Variants in TMEM260 observed in about 807,000 individuals in gnomAD.
The protein encoded by TMEM260 is transmembrane protein 260, also known as protein O-mannosyl-transferase TMEM260.
TMEM260 carries 82 observed loss-of-function variants against 88.9 expected under a neutral mutation model. The ratio of observed to expected loss-of-function variants is 0.92; its 90% CI spans 0.77 to 1.11. The LOEUF (loss-of-function observed/expected upper bound fraction) is 1.11. Among genes scored for constraint, TMEM260 ranks in the 50% least tolerant of loss-of-function variants. TMEM260 has a pLI of 0.00. For synonymous variants in TMEM260, 314 were observed against 309.3 expected, an observed-to-expected ratio of 1.02 and a Z score of -0.16; for missense variants, 902 against 853.4, an observed-to-expected ratio of 1.06 and a Z score of -0.71.
At chr14:56,659,452 T>C in the TMEM260 span, among the ~76,000 whole-genome samples, 42,967 of 152,020 alleles carry the variant, frequency 0.28, 9,670 homozygotes, top group African/African-American at 0.61. Flanking sequence ...GCCACCAGCC[T>C]AGTCGTTAGG....
the TMEM260 span, among the ~76,000 whole-genome samples, chr14:56,656,900 C>T: frequency 6.6e-6 from 1 of 152,150 alleles, no homozygotes; most frequent in South Asian, 2.1e-4. Flanking sequence ...TGCACACACA[C>T]AAGTAAAAAT....
At chr14:56,607,971 T>G (rs17091793) in intron 5 of TMEM260, among the ~76,000 whole-genome samples, 6,561 of 152,322 alleles carry the variant, frequency 0.043, 200 homozygotes, top group Non-Finnish European at 0.068. Flanking sequence ...CTTTATAATA[T>G]GCAGAAACTG....
At chr14:56,627,711 T>A (rs993573630) in intron 12 of TMEM260, among the ~76,000 whole-genome samples, 3 of 152,240 alleles carry the variant, frequency 2.0e-5, no homozygotes, top group African/African-American at 7.2e-5. Context: ...AATGCATACC[T>A]CTGAAAGGAA....
intron 12 of TMEM260, among the ~76,000 whole-genome samples, chr14:56,628,484 C>G (rs992834651): frequency 3.9e-5 from 6 of 152,090 alleles, no homozygotes; most frequent in African/African-American, 1.4e-4. Context: ...AATGCCAGAT[C>G]ACAAAGATTT....
chr14:56,601,212 G>A (rs1211853861), intron 3 of TMEM260, among the ~76,000 whole-genome samples: 4 of 152,126 alleles, frequency 2.6e-5, no homozygotes, highest in African/African-American at 9.7e-5. Context: ...AATATTTAAT[G>A]TCAACAGTTC....
chr14:56,579,825 C>G lies in TMEM260; in HGVS notation c.-90C>G, dbSNP rs1884977948. 1 of 1,180,194 alleles carries G rather than the reference C, an allele frequency of 8.5e-7. No homozygotes were observed. The highest frequency in any genetic ancestry group is 1.1e-6 in the Non-Finnish European group (1 of 941,608). 73.1% of individuals were successfully genotyped at this position (1,180,194 alleles called of 1,614,324 possible). On this transcript the variant is annotated 5_prime_UTR_variant, in exon 1 of 16. Coordinates refer to ENST00000261556, the MANE Select transcript of TMEM260 (RefSeq NM_017799.4). ...CCCGGAAGCCGCCGTGGCCGCCGCACAAGCTGCGCTCGTCTCTCGGCTGGG... is the reference window on the plus strand; with the variant it reads ...CCCGGAAGCCGCCGTGGCCGCCGCAGAAGCTGCGCTCGTCTCTCGGCTGGG...
At position 56,609,364 on chromosome 14, in the gene TMEM260, C is replaced by T. The variant is rs931009343; in HGVS notation, c.816+79C>T. ...TCTGCCTGGGCCTTGATTAAAAAAA[C>T]AATATTTGTCAATGACAGTAGATCA... On this transcript the variant is annotated intron_variant, in intron 6 of 15. Transcript: ENST00000261556. The T allele has an allele frequency of 8.5e-6, 11 of 1,288,432 alleles. No homozygotes were observed. In the African/African-American group the frequency reaches 1.5e-4, roughly 17 times the overall value. 79.8% of individuals were successfully genotyped at this position (1,288,432 alleles called of 1,614,324 possible).
In TMEM260 at chr14:56,589,209, C is replaced by T. The variant is rs78318221; in HGVS notation, c.344+3297C>T. ...AGCATTGTATAAAAATTCTTTACCT[C>T]GGGGAAGATTTACATTGCTTATGAT... On this transcript the variant is annotated intron_variant, in intron 3 of 15. Coordinates refer to ENST00000261556, the MANE Select transcript of TMEM260 (RefSeq NM_017799.4). Among the ~76,000 whole-genome samples, 1,281 of 152,094 alleles carry T rather than the reference C, an allele frequency of 8.4e-3. 34 individuals carry two copies. The highest frequency in any genetic ancestry group is 0.083 in the East Asian group (428 of 5,162).
chr14:56,626,299 G>T (rs1359406008), intron 12 of TMEM260, among the ~76,000 whole-genome samples: 4 of 152,148 alleles, frequency 2.6e-5, no homozygotes, highest in Admixed American at 2.6e-4. Context: ...GACAGTAATG[G>T]TTATAAATGC....
chr14:56,631,962 G>A (rs753175060), intron 12 of TMEM260, among the ~76,000 whole-genome samples: 8 of 152,126 alleles, frequency 5.3e-5, no homozygotes, highest in Non-Finnish European at 1.2e-4. Context: ...GGGGCAGGAC[G>A]GCAGAGAGCC....
intron 7 of TMEM260, among the ~76,000 whole-genome samples, chr14:56,614,356 C>A (rs1431276811): frequency 6.6e-6 from 1 of 151,630 alleles, no homozygotes; most frequent in Non-Finnish European, 1.5e-5. Flanking sequence ...GCCTAGGCAA[C>A]AGAGTGAGAC....
At chr14:56,643,117 G>A (rs199794677) in intron 15 of TMEM260, among the ~76,000 whole-genome samples, 9 of 152,064 alleles carry the variant, frequency 5.9e-5, no homozygotes, top group East Asian at 3.9e-4. Context: ...CTTCTGAAAC[G>A]ATTCCAATCA....
At chr14:56,579,765 C>G (rs143781458), upstream of TMEM260, 1 of 663,732 alleles carries the variant, frequency 1.5e-6, no homozygotes, top group African/African-American at 1.9e-5. Context: ...CGCGCTCAGG[C>G]GGAGAAAGGT....
intron 5 of TMEM260, among the ~76,000 whole-genome samples, chr14:56,608,520 T>C (rs914189168): frequency 2.6e-5 from 4 of 152,238 alleles, no homozygotes; most frequent in African/African-American, 4.8e-5. Flanking sequence ...TAATTTTCTT[T>C]AATATTCTAT....
At chr14:56,594,748 T>C (rs1310102524) in intron 3 of TMEM260, among the ~76,000 whole-genome samples, 5 of 152,214 alleles carry the variant, frequency 3.3e-5, no homozygotes, top group Non-Finnish European at 5.9e-5. Flanking sequence ...AGGTTGGACA[T>C]TCCTTCCATT....
intron 1 of TMEM260, among the ~76,000 whole-genome samples, chr14:56,580,600 A>G (rs1416836129): frequency 3.3e-5 from 5 of 152,198 alleles, no homozygotes; most frequent in African/African-American, 1.2e-4. Context: ...TATTCAGGAA[A>G]GACCTCTGAA....
At chr14:56,590,863 G>A (rs1457085990) in intron 3 of TMEM260, among the ~76,000 whole-genome samples, 1 of 152,156 alleles carries the variant, frequency 6.6e-6, no homozygotes, top group Non-Finnish European at 1.5e-5. Context: ...GGGATTGTGG[G>A]GTCAGATGGG....
intron 6 of TMEM260, among the ~76,000 whole-genome samples, chr14:56,611,562 A>T (rs1887277532): frequency 2.0e-5 from 3 of 152,186 alleles, no homozygotes. Context: ...GGTTTTGGAG[A>T]AAAGAGAATG....
intron 1 of TMEM260, among the ~76,000 whole-genome samples, chr14:56,581,377 G>T (rs1452292824): frequency 6.6e-6 from 1 of 152,094 alleles, no homozygotes. Flanking sequence ...CTTCTTTCAG[G>T]TCCTGTTGCA....
Sources: gnomAD v4.1 joint callset for allele counts (sites outside exome capture counted in the v4.1 genomes callset) on GRCh38, gnomAD v4.1.1 for gene constraint, MANE v1.5 for transcripts, NCBI Gene and HGNC (gene_info 2026-07-23, HGNC 2026-07-21) for gene names.